ZNF710: variants seen among roughly 807,000 people sequenced by gnomAD.
ZNF710 encodes zinc finger protein 710.
In ZNF710, 13 loss-of-function variants were observed where a neutral mutation model predicts 50.6. The observed-to-expected ratio is 0.26, with a 90% CI of 0.17 to 0.41. The LOEUF (loss-of-function observed/expected upper bound fraction) is 0.41. ZNF710 is among the 10% of genes least tolerant of loss of function. The probability of loss-of-function intolerance (pLI) is 1.00; values close to 1 mark genes in which losing one functional copy is unlikely to be tolerated. For missense variants in ZNF710, 721 were observed against 936.6 expected (o/e 0.77, Z 3.01); for synonymous variants, 383 against 397.0 (o/e 0.96, Z 0.42).
intron 1 of ZNF710, among the ~76,000 whole-genome samples, chr15:90,054,574 C>T (rs1403271997): frequency 6.6e-6 from 1 of 152,174 alleles, no homozygotes; most frequent in East Asian, 1.9e-4. Flanking sequence ...GGAAATGGTA[C>T]CCCCCATCCC....
chr15:90,024,243 T>C (rs866004731), intron 1 of ZNF710, among the ~76,000 whole-genome samples: 3 of 152,336 alleles, frequency 2.0e-5, no homozygotes, highest in Middle Eastern at 3.4e-3. Flanking sequence ...TTTTGGCCCA[T>C]GCCTTATTTC....
intron 1 of ZNF710, among the ~76,000 whole-genome samples, chr15:90,044,913 G>A (rs568054056): frequency 9.3e-4 from 141 of 152,154 alleles, no homozygotes; most frequent in Non-Finnish European, 1.8e-3. Flanking sequence ...TACTCTTGAG[G>A]TGTGTTTATA....
At chr15:90,072,416 T>C (rs1596062133) in intron 2 of ZNF710, among the ~76,000 whole-genome samples, 1 of 152,264 alleles carries the variant, frequency 6.6e-6, no homozygotes, top group East Asian at 1.9e-4. Context: ...GTGGCTGTTA[T>C]CACCAGGGAA....
At chr15:90,061,987 C>G (rs966119513) in intron 1 of ZNF710, among the ~76,000 whole-genome samples, 1 of 151,938 alleles carries the variant, frequency 6.6e-6, no homozygotes, top group African/African-American at 2.4e-5. Context: ...GGCCCCCAGA[C>G]GATGAGTCTT....
intron 1 of ZNF710, among the ~76,000 whole-genome samples, chr15:90,007,933 CTG>C (rs1898180666): frequency 6.6e-6 from 1 of 152,068 alleles, no homozygotes; most frequent in African/African-American, 2.4e-5. Context: ...GCCTGTATCA[CTG>C]TTGGGCCCAA....
In ZNF710 at chr15:90,067,675, C is replaced by T; in HGVS notation, c.538C>T (p.Pro180Ser). 6.2e-7 allele frequency: 1 copy of T among 1,612,942 alleles called. No individual in the cohort carries two copies. Among genetic ancestry groups the T allele is most frequent in the Non-Finnish European group, 8.5e-7 (1 of 1,179,656 alleles). Reference protein sequence around the residue: ...TLRHLPRTPRPELNVAPYDPH... With the variant: ...TLRHLPRTPRSELNVAPYDPH... ...CCGGCATCTGCCCCGAACCCCGAGG[C>T]CGGAGCTGAACGTGGCCCCATATGA... Residue 180 changes from proline (P) to serine (S), a missense_variant, in exon 2 of 5, where the codon CCG (proline) becomes TCG (serine). Pro to Ser is a moderately conservative substitution (Grantham distance 74). Transcript: ENST00000268154. The surrounding 1 kb of genome is among the most constrained non-coding windows in gnomAD (Gnocchi z 8.1).
chr15:90,080,365 C>T lies in ZNF710; in HGVS notation c.*536C>T, dbSNP rs369568061. Reference sequence around the variant, plus strand: ...GCAGGGCACTCTGCCTTCTACCTCCCGGGGTCTCCCATGCGCTCCTCAAGC... The same window carrying T: ...GCAGGGCACTCTGCCTTCTACCTCCTGGGGTCTCCCATGCGCTCCTCAAGC... On this transcript the variant is annotated 3_prime_UTR_variant, in exon 5 of 5. Coordinates refer to ENST00000268154, the MANE Select transcript of ZNF710 (RefSeq NM_198526.4). 8.6e-4 allele frequency: 132 copies of T among 153,508 alleles called. No individual in the cohort carries two copies. In the South Asian group the frequency reaches 8.8e-3, roughly 10 times the overall value. The allele number at this position is 153,508 out of a possible 1,614,324, so 9.5% of individuals were successfully genotyped here.
Position 90,035,905 on chromosome 15 carries a change from G to A in ZNF710, c.-28-31205G>A, listed in dbSNP as rs190322404. On this transcript the variant is annotated intron_variant, in intron 1 of 4. Coordinates refer to ENST00000268154, the MANE Select transcript of ZNF710 (RefSeq NM_198526.4). Reference sequence around the variant, plus strand: ...CAAATGTGAGCCCTTCCTTCTACACGTGGGGCCCCAGGCAGTGGCACCATT... The same window carrying A: ...CAAATGTGAGCCCTTCCTTCTACACATGGGGCCCCAGGCAGTGGCACCATT... 7.2e-5 allele frequency among the ~76,000 whole-genome samples: 11 copies of A among 152,168 alleles called. No individual in the cohort carries two copies. The East Asian group carries it at 7.7e-4, about 11-fold the overall frequency.
intron 2 of ZNF710, 94 bp from the exon 3 acceptor site, chr15:90,072,977 G>A: frequency 7.6e-7 from 1 of 1,314,990 alleles, no homozygotes; most frequent in Non-Finnish European, 1.1e-6. Context: ...CCTTTGTGAT[G>A]CTATGGCCCT....
intron 1 of ZNF710, among the ~76,000 whole-genome samples, chr15:90,028,170 A>G (rs1898833687): frequency 1.3e-5 from 2 of 152,236 alleles, no homozygotes; most frequent in Non-Finnish European, 1.5e-5. Context: ...GTAAATACCC[A>G]TACACCAATG....
intron 1 of ZNF710, among the ~76,000 whole-genome samples, chr15:90,027,001 T>A (rs1186932906): frequency 6.6e-6 from 1 of 152,198 alleles, no homozygotes; most frequent in African/African-American, 2.4e-5. Context: ...TTAACATTGC[T>A]TTTAACACTC....
intron 1 of ZNF710, among the ~76,000 whole-genome samples, chr15:90,008,468 A>AT (rs1898212845): frequency 6.9e-6 from 1 of 144,016 alleles, no homozygotes; most frequent in South Asian, 2.1e-4. Flanking sequence ...ATATATATAC[A>AT]TGAAGTAAAA....
chr15:90,062,697 GC>G lies in ZNF710; in HGVS notation c.-28-4410del, dbSNP rs1900047032. ...TGAGGAGACACGAGGCACAATGCTG[GC>G]CCAGGAGGAGGGAGAACAGAGTGAT... is the stretch of plus-strand genomic sequence containing the variant. On this transcript the variant is annotated intron_variant, in intron 1 of 4. Transcript: ENST00000268154. This position sits in a 1 kb window ranked among gnomAD's most constrained non-coding sequence, Gnocchi z 5.6. Among the ~76,000 whole-genome samples the G allele has an allele frequency of 6.6e-6, 1 of 152,192 alleles. No individual in the cohort carries two copies. Among genetic ancestry groups the G allele is most frequent in the Admixed American group, 6.5e-5 (1 of 15,278 alleles).
intron 1 of ZNF710, among the ~76,000 whole-genome samples, chr15:90,028,922 G>A (rs1172116104): frequency 3.3e-5 from 5 of 152,208 alleles, no homozygotes; most frequent in African/African-American, 1.2e-4. Context: ...GCATGAAGAG[G>A]ACTGGGAAGA....
chr15:90,002,643 C>G lies in ZNF710; in HGVS notation c.-29+1029C>G, dbSNP rs1367232575. 4.6e-5 allele frequency: 7 copies of G among 152,374 alleles called. No homozygotes were observed. In the East Asian group the frequency reaches 1.2e-3, roughly 25 times the overall value. The allele number at this position is 152,374 out of a possible 1,614,324, so 9.4% of individuals were successfully genotyped here. On this transcript the variant is annotated intron_variant, in intron 1 of 4. Coordinates refer to ENST00000268154, the MANE Select transcript of ZNF710 (RefSeq NM_198526.4). ...CGCAGATCCGGCCCTTGGGCCACCG[C>G]CCCCTTCACCGCGGACTTGCTAACT...
At chr15:90,073,428 G>A (rs112554427) in intron 3 of ZNF710, among the ~76,000 whole-genome samples, 166 bp downstream of exon 3, 31 of 152,348 alleles carry the variant, frequency 2.0e-4, no homozygotes, top group African/African-American at 7.2e-4. Flanking sequence ...GAGGGCAGGC[G>A]GGGATTCACA....
At chr15:90,074,652 T>C in intron 4 of ZNF710, 1 of 530,742 alleles carries the variant, frequency 1.9e-6, no homozygotes, top group Non-Finnish European at 3.0e-6. Flanking sequence ...AGAACTTAGA[T>C]AGCTCATGCA....
chr15:90,030,303 T>C (rs989949304), intron 1 of ZNF710, among the ~76,000 whole-genome samples: 2 of 98,670 alleles, frequency 2.0e-5, no homozygotes, highest in African/African-American at 8.3e-5. Context: ...CATTCCGGCC[T>C]GGGCAACAAG....
intron 1 of ZNF710, among the ~76,000 whole-genome samples, chr15:90,061,592 G>T (rs986252534): frequency 2.0e-5 from 3 of 152,194 alleles, no homozygotes; most frequent in Non-Finnish European, 2.9e-5. Context: ...CAGGTTTTGG[G>T]TGTCTTCACC....
Sources: allele counts gnomAD v4.1 joint callset (sites outside exome capture counted in the v4.1 genomes callset), GRCh38; gene constraint gnomAD v4.1.1; non-coding constraint Gnocchi (gnomAD v3.1); transcripts MANE v1.5; gene names NCBI Gene and HGNC (gene_info 2026-07-23, HGNC 2026-07-21).